The following STK10 variants were observed in gnomAD, a reference collection of about 807,000 sequenced individuals.
STK10 encodes the protein serine/threonine-protein kinase 10.
STK10 carries 78 observed loss-of-function variants against 113.8 expected under a neutral mutation model. The ratio of observed to expected loss-of-function variants is 0.69; its 90% CI spans 0.57 to 0.83. The LOEUF is 0.83. STK10 is among the 40% of genes least tolerant of loss of function. STK10 has a pLI of 0.00. For synonymous variants in STK10, 465 were observed against 494.7 expected (o/e 0.94, Z 0.80); for missense variants, 1,109 against 1,280.1 (o/e 0.87, Z 2.04).
chr5:172,113,340 T>C (rs1769283444), intron 4 of STK10, among the ~76,000 whole-genome samples: 1 of 152,108 alleles, frequency 6.6e-6, no homozygotes, highest in Admixed American at 6.6e-5. Context: ...CAAGGTATGT[T>C]ACAGAAAGAG....
intron 10 of STK10, among the ~76,000 whole-genome samples, chr5:172,087,150 GT>G (rs1240114341): frequency 6.7e-6 from 1 of 148,240 alleles, no homozygotes; most frequent in Non-Finnish European, 1.5e-5. Context: ...GTGTGTGTGT[GT>G]GTGGTGTATG....
chr5:172,108,054 C>G, intron 4 of STK10: 1 of 494,162 alleles, frequency 2.0e-6, no homozygotes, highest in Non-Finnish European at 3.6e-6. Context: ...CTAACGAGAG[C>G]CTGCACTGGC....
chr5:172,085,597 G>A (rs1348114910), intron 10 of STK10, among the ~76,000 whole-genome samples: 2 of 151,084 alleles, frequency 1.3e-5, no homozygotes, highest in Non-Finnish European at 2.9e-5. Context: ...GCTGAGGCAG[G>A]AGAATGGCGT....
intron 15 of STK10, among the ~76,000 whole-genome samples, chr5:172,056,042 T>C (rs1472454395): frequency 6.6e-6 from 1 of 152,224 alleles, no homozygotes; most frequent in African/African-American, 2.4e-5. Context: ...CATTAGCTAA[T>C]ATCTCAAAGC....
chr5:172,104,063 A>G (rs1236303923), intron 7 of STK10, among the ~76,000 whole-genome samples: 1 of 152,230 alleles, frequency 6.6e-6, no homozygotes, highest in Non-Finnish European at 1.5e-5. Context: ...TGCCGACCAC[A>G]GGCCCAGTGC....
At chr5:172,078,517 G>A (rs1768359422) in intron 12 of STK10, among the ~76,000 whole-genome samples, 1 of 149,964 alleles carries the variant, frequency 6.7e-6, no homozygotes, top group African/African-American at 2.5e-5. Context: ...AAATTAGCAG[G>A]GTCCCAAATA....
intron 18 of STK10, chr5:172,045,287 G>A (rs1265129402): frequency 6.6e-6 from 4 of 606,764 alleles, no homozygotes; most frequent in South Asian, 1.6e-5. Context: ...GGGGCAGGGA[G>A]GAAAAAAAAG....
chr5:172,086,289 A>AG (rs1401284635), intron 10 of STK10, among the ~76,000 whole-genome samples: 1 of 152,148 alleles, frequency 6.6e-6, no homozygotes, highest in Non-Finnish European at 1.5e-5. Flanking sequence ...ACAGCCACAG[A>AG]GGGAAGACTG....
chr5:172,060,620 T>A (rs1420301266), intron 14 of STK10, among the ~76,000 whole-genome samples: 1 of 152,166 alleles, frequency 6.6e-6, no homozygotes, highest in Non-Finnish European at 1.5e-5. Context: ...GAAATGAATG[T>A]CTGTTGTTGA....
intron 2 of STK10, among the ~76,000 whole-genome samples, chr5:172,140,915 C>T (rs1012502651): frequency 6.6e-6 from 1 of 152,086 alleles, no homozygotes; most frequent in Non-Finnish European, 1.5e-5. Flanking sequence ...TATGTACACA[C>T]AATGGATCCC....
At chr5:172,127,949 A>G (rs1471359570) in intron 2 of STK10, among the ~76,000 whole-genome samples, 2 of 152,200 alleles carry the variant, frequency 1.3e-5, no homozygotes, top group Non-Finnish European at 2.9e-5. Context: ...TGAGGCCAAA[A>G]AAGGGGATGT....
intron 2 of STK10, among the ~76,000 whole-genome samples, chr5:172,128,047 C>G (rs902701450): frequency 8.5e-5 from 13 of 152,162 alleles, no homozygotes; most frequent in Admixed American, 5.9e-4. Context: ...TACACCTACT[C>G]CACACTGACA....
intron 1 of STK10, among the ~76,000 whole-genome samples, chr5:172,176,393 C>A (rs1408143436): frequency 6.6e-6 from 1 of 152,166 alleles, no homozygotes; most frequent in Non-Finnish European, 1.5e-5. Flanking sequence ...AGGCTGGTCA[C>A]CTCTCACCTG....
chr5:172,057,205 C>T, intron 15 of STK10, 144 bp downstream of exon 15: 1 of 1,228,100 alleles, frequency 8.1e-7, no homozygotes, highest in Admixed American at 2.2e-5. Context: ...CTCCTGGGGC[C>T]TCACTGCAGC....
chr5:172,068,694 A>G (rs4868140), intron 12 of STK10, among the ~76,000 whole-genome samples: 53,827 of 151,914 alleles, frequency 0.35, 9,730 homozygotes, highest in East Asian at 0.4. Context: ...GGTGGCTCAC[A>G]CCTGTAATGC....
chr5:172,157,281 G>T (rs1030757241), intron 1 of STK10, among the ~76,000 whole-genome samples: 1 of 152,192 alleles, frequency 6.6e-6, no homozygotes, highest in Non-Finnish European at 1.5e-5. Context: ...AATCTAGGCC[G>T]GGTGCGGTGG....
rs1370241975 is a variant in STK10 at position 172,055,778 on chromosome 5, T to C, written c.2338-2A>G. The C allele has an allele frequency of 2.0e-6, 3 of 1,480,334 alleles. No homozygotes were observed. Among genetic ancestry groups the C allele is most frequent in the Non-Finnish European group, 9.0e-7 (1 of 1,105,390 alleles). 91.7% of individuals were successfully genotyped at this position (1,480,334 alleles called of 1,614,324 possible). A position where few individuals can be genotyped will look rare whatever the true frequency, so the allele number is the denominator to read the frequency against. On this transcript the variant is annotated splice_acceptor_variant, in intron 15 of 18. Transcript: ENST00000176763. LOFTEE classifies it high-confidence loss of function. ...GTAGCGCTGCATCTGCTCCCGCTCC[T>C]GGAGAGGAATATCCAGAGGGGCTGA...
At position 172,082,170 on chromosome 5, in the gene STK10, G is replaced by A; in HGVS notation, c.1989+156C>T. Among the ~76,000 whole-genome samples, 1 of 152,128 alleles carries A rather than the reference G, an allele frequency of 6.6e-6. No homozygotes were observed. The highest frequency in any genetic ancestry group is 1.9e-4 in the East Asian group (1 of 5,180). On this transcript the variant is annotated intron_variant, in intron 12 of 18. Transcript: ENST00000176763. The surrounding 1 kb of genome is among the most constrained non-coding windows in gnomAD (Gnocchi z 4.3). ...AGAAGATGGAGAAGTGGCTCCTCAT[G>A]GCGCAGCTTGGGCACACAGATCCAG...
chr5:172,052,212 A>C (rs1407716474), intron 18 of STK10, among the ~76,000 whole-genome samples: 2 of 152,166 alleles, frequency 1.3e-5, no homozygotes. Context: ...CATGCTGGCT[A>C]TTTGAGGTGG....
Sources: allele counts gnomAD v4.1 joint callset (sites outside exome capture counted in the v4.1 genomes callset), GRCh38; gene constraint gnomAD v4.1.1; non-coding constraint Gnocchi (gnomAD v3.1); transcripts MANE v1.5; gene names NCBI Gene and HGNC (gene_info 2026-07-23, HGNC 2026-07-21).